The following OPCML variants were observed in gnomAD, a reference collection of about 807,000 sequenced individuals.
OPCML encodes opioid binding protein/cell adhesion molecule like, also known as opioid-binding protein/cell adhesion molecule.
Under a neutral mutation model 37.8 loss-of-function variants are expected in OPCML, and 13 were observed. The observed-to-expected ratio is 0.34, with a 90% CI of 0.22 to 0.55. The LOEUF is 0.55. Among genes scored for constraint, OPCML ranks in the 20% least tolerant of loss-of-function variants. The pLI is 0.91. For synonymous variants in OPCML, 176 were observed against 168.8 expected, an observed-to-expected ratio of 1.04 and a Z score of -0.33; for missense variants, 341 against 435.6, an observed-to-expected ratio of 0.78 and a Z score of 1.93.
chr11:133,132,948 C>T (rs1949628995), intron 1 of OPCML, among the ~76,000 whole-genome samples: 2 of 151,686 alleles, frequency 1.3e-5, no homozygotes, highest in African/African-American at 4.8e-5. Context: ...TGGCCAGTGG[C>T]GTTAGGGCTG....
At chr11:133,459,804 G>A (rs569592554) in intron 1 of OPCML, among the ~76,000 whole-genome samples, 69 of 151,950 alleles carry the variant, frequency 4.5e-4, no homozygotes, top group Non-Finnish European at 6.9e-4. Context: ...TTCAGTAATG[G>A]ATAGAACAAC....
intron 1 of OPCML, among the ~76,000 whole-genome samples, chr11:133,140,934 AGAAGAAGAAGAC>A (rs1565468590): frequency 0.029 from 517 of 17,716 alleles, 146 homozygotes; most frequent in East Asian, 0.29. Flanking sequence ...ACGACGACGA[AGAAGAAGAAGAC>A]GACGAAGAAG....
chr11:133,091,197 G>A (rs1237511623), intron 1 of OPCML, among the ~76,000 whole-genome samples: 1 of 152,208 alleles, frequency 6.6e-6, no homozygotes, highest in Non-Finnish European at 1.5e-5. Context: ...TGTCCACATT[G>A]TGCTAATTCT....
intron 2 of OPCML, among the ~76,000 whole-genome samples, chr11:132,691,537 T>G (rs192557684): frequency 1.3e-5 from 2 of 152,326 alleles, no homozygotes; most frequent in Admixed American, 1.3e-4. Flanking sequence ...ATTTTTAAAA[T>G]GTAGGATAAA....
chr11:133,453,476 G>T (rs1293004526), intron 1 of OPCML, among the ~76,000 whole-genome samples: 1 of 152,098 alleles, frequency 6.6e-6, no homozygotes, highest in African/African-American at 2.4e-5. Context: ...TTCCTACAAG[G>T]ATATCTTATT....
intron 3 of OPCML, among the ~76,000 whole-genome samples, chr11:132,605,479 G>A (rs376546492): frequency 9.9e-4 from 151 of 152,110 alleles, no homozygotes; most frequent in African/African-American, 3.6e-3. Flanking sequence ...TAGGAGAATA[G>A]CCTGAACCCG....
rs536761051 is a variant in OPCML, at chr11:132,560,706, C to T, written c.380-31520G>A. Among the ~76,000 whole-genome samples, 5 of 152,266 alleles carry T rather than the reference C, an allele frequency of 3.3e-5. No homozygotes were observed. In the East Asian group the frequency reaches 5.8e-4, roughly 18 times the overall value. On this transcript the variant is annotated intron_variant, in intron 3 of 7. Coordinates refer to ENST00000524381, the MANE Select transcript of OPCML (RefSeq NM_001012393.5). Reference sequence around the variant, plus strand: ...GTGACGTGGAGCATTTTTCCATATGCTTGGTGGCCATTTGTATATCTTCCC... The same window carrying T: ...GTGACGTGGAGCATTTTTCCATATGTTTGGTGGCCATTTGTATATCTTCCC...
intron 3 of OPCML, among the ~76,000 whole-genome samples, chr11:132,602,783 G>T (rs768321438): frequency 6.6e-6 from 1 of 152,202 alleles, no homozygotes; most frequent in East Asian, 1.9e-4. Flanking sequence ...CAACCTTAGC[G>T]TCCCTTGAGG....
intron 3 of OPCML, among the ~76,000 whole-genome samples, chr11:132,631,235 T>C (rs1940085280): frequency 6.6e-6 from 1 of 151,632 alleles, no homozygotes; most frequent in Non-Finnish European, 1.5e-5. Context: ...AGGCAGTTAT[T>C]GAGTATATAA....
chr11:132,476,390 C>T lies in OPCML; in HGVS notation c.506-39031G>A, dbSNP rs376666939. Reference sequence around the variant, plus strand: ...ATGCTGCTATAAAGACACATGCACACGTATGTTTATTGCGGCACTATTCAC... The same window carrying T: ...ATGCTGCTATAAAGACACATGCACATGTATGTTTATTGCGGCACTATTCAC... On this transcript the variant is annotated intron_variant, in intron 4 of 7. Coordinates refer to ENST00000524381, the MANE Select transcript of OPCML (RefSeq NM_001012393.5). Among the ~76,000 whole-genome samples the T allele has an allele frequency of 8.5e-5, 13 of 152,060 alleles. 1 individual carries two copies. The highest frequency in any genetic ancestry group is 2.4e-4 in the African/African-American group (10 of 41,442).
At chr11:133,117,770 C>T (rs1949359232) in intron 1 of OPCML, 1 of 980,426 alleles carries the variant, frequency 1.0e-6, no homozygotes, top group Admixed American at 6.2e-5. Flanking sequence ...CAATGGAATA[C>T]TAAGCAAGAG....
intron 2 of OPCML, among the ~76,000 whole-genome samples, chr11:132,782,034 C>T (rs1161005651): frequency 2.7e-5 from 4 of 148,794 alleles, no homozygotes; most frequent in Non-Finnish European, 5.9e-5. Flanking sequence ...GAGAGGGCTG[C>T]CACATCTTCA....
chr11:132,852,314 G>A (rs1174446036), intron 2 of OPCML, among the ~76,000 whole-genome samples: 2 of 152,082 alleles, frequency 1.3e-5, no homozygotes, highest in Non-Finnish European at 1.5e-5. Flanking sequence ...TCTCATTTAT[G>A]TCAGTACCAG....
chr11:133,200,972 G>A (rs113363405), intron 1 of OPCML, among the ~76,000 whole-genome samples: 18 of 152,150 alleles, frequency 1.2e-4, no homozygotes, highest in East Asian at 3.8e-4. Flanking sequence ...AAATTATGTC[G>A]TTTGCAGAAA....
At chr11:132,832,562 CTTT>C (rs1421589885) in intron 2 of OPCML, among the ~76,000 whole-genome samples, 1 of 152,160 alleles carries the variant, frequency 6.6e-6, no homozygotes, top group African/African-American at 2.4e-5. Context: ...CCAATGCTTT[CTTT>C]TTTAACAAAA....
chr11:132,763,663 G>A (rs1160792108), intron 2 of OPCML, among the ~76,000 whole-genome samples: 2 of 152,308 alleles, frequency 1.3e-5, no homozygotes, highest in Admixed American at 6.5e-5. Flanking sequence ...AAGAAGAGGG[G>A]TAGAAAAAGA....
chr11:133,197,810 G>A lies in OPCML; in HGVS notation c.62-254800C>T, dbSNP rs1420390502. On this transcript the variant is annotated intron_variant, in intron 1 of 7. Transcript: ENST00000524381. ...GATGCCTTGCTTCAATGGAACAAGC[G>A]TGATCCGAGTAGGACGCCTCCCCAA... 3.9e-5 allele frequency among the ~76,000 whole-genome samples: 6 copies of A among 152,180 alleles called. No individual in the cohort carries two copies. In the South Asian group the frequency reaches 8.3e-4, roughly 21 times the overall value.
At chr11:133,414,234 A>G (rs565328677) in intron 1 of OPCML, among the ~76,000 whole-genome samples, 1 of 152,268 alleles carries the variant, frequency 6.6e-6, no homozygotes, top group South Asian at 2.1e-4. Context: ...ATGGTTTACC[A>G]TGGAACTTCT....
At chr11:132,832,117 G>A (rs1454723616) in intron 2 of OPCML, among the ~76,000 whole-genome samples, 1 of 151,898 alleles carries the variant, frequency 6.6e-6, no homozygotes, top group African/African-American at 2.4e-5. Context: ...TACCTGCAAG[G>A]CTTTCAGTAG....
Sources: allele counts gnomAD v4.1 joint callset (sites outside exome capture counted in the v4.1 genomes callset), GRCh38; gene constraint gnomAD v4.1.1; transcripts MANE v1.5; gene names NCBI Gene and HGNC (gene_info 2026-07-23, HGNC 2026-07-21).